Variants in MMP16 observed in about 807,000 individuals in gnomAD.
The protein encoded by MMP16 is matrix metalloproteinase-16.
In MMP16, 12 loss-of-function variants were observed where a neutral mutation model predicts 67.8. The observed-to-expected ratio is 0.18, with a 90% CI of 0.11 to 0.29. The LOEUF is 0.29. MMP16 is among the 10% of genes least tolerant of loss of function. The probability of loss-of-function intolerance (pLI) is 1.00; values close to 1 mark genes in which losing one functional copy is unlikely to be tolerated. For missense variants in MMP16, 475 were observed against 765.7 expected, an observed-to-expected ratio of 0.62 and a Z score of 4.48; for synonymous variants, 249 against 255.9, an observed-to-expected ratio of 0.97 and a Z score of 0.26.
At chr8:88,291,134 A>G (rs1810919934) in intron 1 of MMP16, among the ~76,000 whole-genome samples, 1 of 151,914 alleles carries the variant, frequency 6.6e-6, no homozygotes, top group South Asian at 2.1e-4. Context: ...TTTTAAAGTT[A>G]GCCAGATATG....
At chr8:88,170,894 T>C (rs1195474968) in intron 3 of MMP16, among the ~76,000 whole-genome samples, 2 of 152,058 alleles carry the variant, frequency 1.3e-5, no homozygotes, top group Non-Finnish European at 2.9e-5. Context: ...TTTCAGAAGT[T>C]CACATAAGAG....
intron 6 of MMP16, among the ~76,000 whole-genome samples, chr8:88,115,356 T>A (rs1379058522): frequency 4.6e-5 from 7 of 152,178 alleles, no homozygotes; most frequent in Middle Eastern, 6.8e-3. Flanking sequence ...GAATCTAAGT[T>A]TATTAAACTA....
chr8:88,166,031 A>C (rs1331511909), intron 4 of MMP16, among the ~76,000 whole-genome samples: 1 of 152,108 alleles, frequency 6.6e-6, no homozygotes, highest in Non-Finnish European at 1.5e-5. Flanking sequence ...AAACATGAAC[A>C]GTTATTTATT....
rs1808880140 is a variant in MMP16, at chr8:88,175,839, A to G, written c.405-7866T>C. Among the ~76,000 whole-genome samples, 3 of 152,070 alleles carry G rather than the reference A, an allele frequency of 2.0e-5. No homozygotes were observed. The East Asian group carries it at 5.8e-4, about 29-fold the overall frequency. On this transcript the variant is annotated intron_variant, in intron 3 of 9. Transcript: ENST00000286614. ...TCCTGTGCTGTTCTTGTGATAGTGA[A>G]TATGTCTCACGAGATCAGATGGTTT... is the stretch of plus-strand genomic sequence containing the variant.
In MMP16 at chr8:88,038,174, G is replaced by A. The variant is rs1808080242; in HGVS notation, c.*3287C>T. On this transcript the variant is annotated 3_prime_UTR_variant, in exon 10 of 10. Transcript: ENST00000286614. The surrounding 1 kb of genome is among the most constrained non-coding windows in gnomAD (Gnocchi z 4.1). ...GAACCATACCCACAAAGTAGCTGGT[G>A]TACAATAAACAAATGGAATCCCACT... 6.6e-6 allele frequency: 1 copy of A among 151,958 alleles called. No individual in the cohort carries two copies. Among genetic ancestry groups the A allele is most frequent in the African/African-American group, 2.4e-5 (1 of 41,412 alleles). The allele number at this position is 151,958 out of a possible 1,614,324, so 9.4% of individuals were successfully genotyped here.
At chr8:88,297,694 A>T (rs1811034649) in intron 1 of MMP16, among the ~76,000 whole-genome samples, 1 of 152,198 alleles carries the variant, frequency 6.6e-6, no homozygotes, top group Non-Finnish European at 1.5e-5. Context: ...GACTGTCAGG[A>T]ATCCAGTTCT....
chr8:88,046,324 C>T (rs1808198735), intron 9 of MMP16, among the ~76,000 whole-genome samples: 1 of 152,164 alleles, frequency 6.6e-6, no homozygotes, highest in African/African-American at 2.4e-5. Context: ...GCACCTCTAT[C>T]TTCCTTGTGA....
intron 6 of MMP16, among the ~76,000 whole-genome samples, chr8:88,107,979 T>A (rs574950991): frequency 6.6e-6 from 1 of 151,104 alleles, no homozygotes; most frequent in African/African-American, 2.4e-5. Flanking sequence ...AGAAAAATCA[T>A]CTTAGGTACT....
chr8:88,181,009 T>A (rs913880326), intron 3 of MMP16, among the ~76,000 whole-genome samples: 1 of 152,124 alleles, frequency 6.6e-6, no homozygotes, highest in Non-Finnish European at 1.5e-5. Flanking sequence ...TATATACTTT[T>A]AGCAAACTAA....
At chr8:88,220,734 G>A (rs1459391615) in intron 1 of MMP16, among the ~76,000 whole-genome samples, 1 of 152,074 alleles carries the variant, frequency 6.6e-6, no homozygotes, top group Admixed American at 6.6e-5. Context: ...TGAAGTCAAC[G>A]TGAGGTGGAT....
At position 88,239,473 on chromosome 8, in the gene MMP16, A is replaced by T. The variant is rs200489609; in HGVS notation, c.133-42167T>A. 3.3e-5 allele frequency among the ~76,000 whole-genome samples: 5 copies of T among 152,176 alleles called. No individual in the cohort carries two copies. The East Asian group carries it at 9.7e-4, about 29-fold the overall frequency. Reference sequence around the variant, plus strand: ...ATTTGAGGTACATTGCTAAAAATGCAAACCATTATCTTGGCATCTACCGTA... The same window carrying T: ...ATTTGAGGTACATTGCTAAAAATGCTAACCATTATCTTGGCATCTACCGTA... On this transcript the variant is annotated intron_variant, in intron 1 of 9. Transcript: ENST00000286614.
At chr8:88,099,786 T>G (rs1478298503) in intron 6 of MMP16, among the ~76,000 whole-genome samples, 1 of 151,984 alleles carries the variant, frequency 6.6e-6, no homozygotes, top group African/African-American at 2.4e-5. Flanking sequence ...TGACCATGTT[T>G]TAAAAATGAA....
At chr8:88,176,792 G>A (rs987005228) in intron 3 of MMP16, among the ~76,000 whole-genome samples, 1 of 152,012 alleles carries the variant, frequency 6.6e-6, no homozygotes, top group African/African-American at 2.4e-5. Flanking sequence ...CTATCTTTGT[G>A]CTAATACCCA....
chr8:88,204,550 CATAA>C (rs1809395838), intron 1 of MMP16, among the ~76,000 whole-genome samples: 1 of 151,860 alleles, frequency 6.6e-6, no homozygotes, highest in Non-Finnish European at 1.5e-5. Flanking sequence ...AAATATAATT[CATAA>C]ATAAAAAATA....
intron 1 of MMP16, among the ~76,000 whole-genome samples, chr8:88,302,271 G>A (rs946880548): frequency 6.6e-6 from 1 of 152,192 alleles, no homozygotes; most frequent in African/African-American, 2.4e-5. Flanking sequence ...AGTGGAAGAA[G>A]TTGCCAGAGG....
At chr8:88,105,403 T>C (rs1185914232) in intron 6 of MMP16, among the ~76,000 whole-genome samples, 1 of 151,548 alleles carries the variant, frequency 6.6e-6, no homozygotes, top group African/African-American at 2.4e-5. Context: ...AGTATTGCTG[T>C]AGTTTAAATT....
At chr8:88,326,490 G>A (rs1811539431) in intron 1 of MMP16, among the ~76,000 whole-genome samples, 2 of 151,934 alleles carry the variant, frequency 1.3e-5, no homozygotes, top group Non-Finnish European at 2.9e-5. Context: ...AAAAAGAGAT[G>A]GATTTCATGT....
rs1808051151 is a variant in MMP16, at chr8:88,036,174, AGGC to A, written c.*5284_*5286del. The A allele has an allele frequency of 6.6e-6, 1 of 151,962 alleles. No individual in the cohort carries two copies. The highest frequency in any genetic ancestry group is 1.5e-5 in the Non-Finnish European group (1 of 67,862). The allele number at this position is 151,962 out of a possible 1,614,324, so 9.4% of individuals were successfully genotyped here. ...CTACCTCTTACATTTTTAGCCTGTA[AGGC>A]AATGCATGAGTATCAGATGTGTTTA... On this transcript the variant is annotated 3_prime_UTR_variant, in exon 10 of 10. Transcript: ENST00000286614.
intron 4 of MMP16, among the ~76,000 whole-genome samples, chr8:88,137,817 G>T (rs1338462718): frequency 1.3e-5 from 2 of 151,704 alleles, no homozygotes; most frequent in African/African-American, 2.4e-5. Context: ...CTTAAGCCTG[G>T]ATATTTTCTA....
Sources: gnomAD v4.1 joint callset for allele counts (sites outside exome capture counted in the v4.1 genomes callset) on GRCh38, gnomAD v4.1.1 for gene constraint, Gnocchi (gnomAD v3.1) non-coding constraint, MANE v1.5 for transcripts, NCBI Gene and HGNC (gene_info 2026-07-23, HGNC 2026-07-21) for gene names.